The following ANKS1B variants were observed in gnomAD, a reference collection of about 807,000 sequenced individuals.
ANKS1B encodes ankyrin repeat and sterile alpha motif domain containing 1B.
In ANKS1B, 36 loss-of-function variants were observed where a neutral mutation model predicts 148.3. The observed-to-expected ratio is 0.24, with a 90% CI of 0.19 to 0.32. The LOEUF (loss-of-function observed/expected upper bound fraction) is 0.32, where lower values mean the gene tolerates loss of function less well. Ranked by LOEUF, ANKS1B falls within the 10% of genes least tolerant of loss-of-function variation. ANKS1B has a pLI of 1.00. For synonymous variants in ANKS1B, 542 were observed against 560.8 expected (o/e 0.97, Z 0.47); for missense variants, 1,157 against 1,542.6 (o/e 0.75, Z 4.19).
intron 12 of ANKS1B, among the ~76,000 whole-genome samples, chr12:99,270,893 C>T (rs981348574): frequency 4.6e-5 from 7 of 152,082 alleles, no homozygotes; most frequent in Non-Finnish European, 1.0e-4. Context: ...TTAAAACAAA[C>T]CATCAATTAG....
chr12:99,124,960 A>G (rs2063893266), intron 15 of ANKS1B, among the ~76,000 whole-genome samples: 1 of 103,552 alleles, frequency 9.7e-6, no homozygotes. Flanking sequence ...AAAGAGAAAA[A>G]TTTCCTGTTA....
intron 17 of ANKS1B, among the ~76,000 whole-genome samples, chr12:99,040,475 G>A (rs1271621866): frequency 1.3e-5 from 2 of 152,202 alleles, no homozygotes; most frequent in African/African-American, 4.8e-5. Flanking sequence ...ATGAGGGAAA[G>A]ACTGCGGATG....
chr12:99,150,759 A>G (rs941025107), intron 15 of ANKS1B, among the ~76,000 whole-genome samples: 2 of 152,044 alleles, frequency 1.3e-5, no homozygotes, highest in African/African-American at 4.8e-5. Flanking sequence ...CACATTCTCT[A>G]TGTTGCAAAC....
intron 6 of ANKS1B, among the ~76,000 whole-genome samples, chr12:99,777,037 G>T (rs1376981107): frequency 6.6e-6 from 1 of 152,158 alleles, no homozygotes; most frequent in Non-Finnish European, 1.5e-5. Flanking sequence ...GAAACACAAT[G>T]TGGGCTCAAA....
chr12:99,183,544 G>A (rs1291626669), intron 14 of ANKS1B, among the ~76,000 whole-genome samples: 2 of 152,194 alleles, frequency 1.3e-5, no homozygotes, highest in African/African-American at 4.8e-5. Flanking sequence ...TTGGGAGGCT[G>A]AGGCAGGAGC....
chr12:99,507,587 T>C (rs1358722792), intron 9 of ANKS1B, among the ~76,000 whole-genome samples: 1 of 151,758 alleles, frequency 6.6e-6, no homozygotes, highest in South Asian at 2.1e-4. Flanking sequence ...TTTTAAACAA[T>C]AATGAAGTAC....
intron 12 of ANKS1B, among the ~76,000 whole-genome samples, chr12:99,331,105 T>C (rs1407703136): frequency 6.6e-6 from 1 of 152,054 alleles, no homozygotes; most frequent in Non-Finnish European, 1.5e-5. Flanking sequence ...ATTTTATTTT[T>C]ATAAACTTTA....
intron 14 of ANKS1B, among the ~76,000 whole-genome samples, chr12:99,191,941 T>TTGAG (rs2080775154): frequency 6.6e-6 from 1 of 151,744 alleles, no homozygotes. Context: ...AGACCAGCCT[T>TTGAG]ACCAACATGG....
intron 25 of ANKS1B, among the ~76,000 whole-genome samples, chr12:98,768,496 A>G (rs2098517754): frequency 7.4e-6 from 1 of 135,710 alleles, no homozygotes; most frequent in South Asian, 2.6e-4. Context: ...GCACTTTGGG[A>G]GGCCGAGGCG....
At chr12:99,458,944 A>G (rs2095895919) in intron 10 of ANKS1B, among the ~76,000 whole-genome samples, 1 of 152,006 alleles carries the variant, frequency 6.6e-6, no homozygotes, top group African/African-American at 2.4e-5. Flanking sequence ...CAAAACCAGG[A>G]AAGGACATAA....
At chr12:99,728,094 C>CTT (rs2058786712) in intron 8 of ANKS1B, among the ~76,000 whole-genome samples, 1 of 152,114 alleles carries the variant, frequency 6.6e-6, no homozygotes, top group Non-Finnish European at 1.5e-5. Context: ...ATGATGAAAA[C>CTT]ACCAAAAGCA....
intron 17 of ANKS1B, among the ~76,000 whole-genome samples, chr12:98,996,665 T>C (rs1299051930): frequency 6.6e-6 from 1 of 151,730 alleles, no homozygotes; most frequent in East Asian, 1.9e-4. Context: ...ATACAAAAAT[T>C]AGCTGGGCAT....
chr12:99,179,298 G>A (rs1055340671), intron 14 of ANKS1B, among the ~76,000 whole-genome samples: 5 of 151,718 alleles, frequency 3.3e-5, no homozygotes, highest in Non-Finnish European at 5.9e-5. Flanking sequence ...GCGTGGTGGC[G>A]GGTGCCTGTA....
chr12:99,200,345 G>T (rs2081927408), intron 14 of ANKS1B, among the ~76,000 whole-genome samples: 1 of 152,174 alleles, frequency 6.6e-6, no homozygotes, highest in South Asian at 2.1e-4. Flanking sequence ...TCGTTTACAG[G>T]TTAATTAGCG....
At chr12:99,247,631 G>T (rs2074036100) in intron 12 of ANKS1B, among the ~76,000 whole-genome samples, 1 of 152,112 alleles carries the variant, frequency 6.6e-6, no homozygotes, top group African/African-American at 2.4e-5. Context: ...AATGATGAAT[G>T]ATAATTTTTA....
rs60429359 is a variant in ANKS1B, at chr12:99,177,261, T to C, written c.2420-22866A>G. Among the ~76,000 whole-genome samples, 996 of 152,374 alleles carry C rather than the reference T, an allele frequency of 6.5e-3. 31 individuals carry two copies. In the East Asian group the frequency reaches 0.088, roughly 14 times the overall value. ...CATGCTGTTTAATAAAGTGTTTTTA[T>C]ATTTCCTTTTCATTGACTTAAGGGT... On this transcript the variant is annotated intron_variant, in intron 14 of 26. Transcript: ENST00000683438.
chr12:99,750,168 T>C (rs1353055077), intron 8 of ANKS1B, among the ~76,000 whole-genome samples: 1 of 152,082 alleles, frequency 6.6e-6, no homozygotes, highest in South Asian at 2.1e-4. Flanking sequence ...GAGGCACTTA[T>C]AATTTATAAC....
chr12:99,358,163 T>C (rs1366579059), intron 12 of ANKS1B, among the ~76,000 whole-genome samples: 1 of 152,138 alleles, frequency 6.6e-6, no homozygotes, highest in Non-Finnish European at 1.5e-5. Context: ...CACTGCTTTG[T>C]GGCATTCAGC....
chr12:99,289,701 T>G (rs2154007235), intron 12 of ANKS1B, among the ~76,000 whole-genome samples: 1 of 151,996 alleles, frequency 6.6e-6, no homozygotes. Flanking sequence ...AAAATAAAAT[T>G]TTCAAAAATT....
Sources: allele counts gnomAD v4.1 joint callset (sites outside exome capture counted in the v4.1 genomes callset), GRCh38; gene constraint gnomAD v4.1.1; transcripts MANE v1.5; gene names NCBI Gene and HGNC (gene_info 2026-07-23, HGNC 2026-07-21).